Variants in KIAA1549 observed in about 807,000 individuals in gnomAD.
KIAA1549 encodes UPF0606 protein KIAA1549.
KIAA1549 carries 70 observed loss-of-function variants against 156.4 expected under a neutral mutation model. The observed-to-expected ratio is 0.45, with a 90% CI of 0.37 to 0.55. The LOEUF (loss-of-function observed/expected upper bound fraction) is 0.55, where lower values mean the gene tolerates loss of function less well. KIAA1549 is among the 20% of genes least tolerant of loss of function. The pLI, the probability that KIAA1549 is intolerant of heterozygous loss-of-function variation, is 0.00. For missense variants in KIAA1549, 2,428 were observed against 2,540.9 expected (o/e 0.96, Z 0.96); for synonymous variants, 1,103 against 1,066.4 (o/e 1.03, Z -0.67).
intron 1 of KIAA1549, among the ~76,000 whole-genome samples, chr7:138,945,495 C>T (rs534222936): frequency 2.0e-5 from 3 of 152,354 alleles, no homozygotes; most frequent in African/African-American, 7.2e-5. Flanking sequence ...CAGAAGGTGA[C>T]CTTGACCCCA....
chr7:138,843,572 T>G (rs1809984254), intron 18 of KIAA1549, among the ~76,000 whole-genome samples: 1 of 152,228 alleles, frequency 6.6e-6, no homozygotes, highest in Non-Finnish European at 1.5e-5. Context: ...TAATTTCACC[T>G]AATAGAAATT....
intron 18 of KIAA1549, among the ~76,000 whole-genome samples, chr7:138,842,336 AGCAACGG>A (rs1809945519): frequency 6.6e-6 from 1 of 152,184 alleles, no homozygotes; most frequent in African/African-American, 2.4e-5. Flanking sequence ...TGTGACCCTG[AGCAACGG>A]GCTATGGCTA....
intron 16 of KIAA1549, among the ~76,000 whole-genome samples, chr7:138,860,206 A>G (rs1437305551): frequency 6.6e-6 from 1 of 152,228 alleles, no homozygotes; most frequent in Non-Finnish European, 1.5e-5. Context: ...TTAAAATTAA[A>G]AACAGTAATG....
chr7:138,891,265 G>C (rs971111515), intron 10 of KIAA1549, among the ~76,000 whole-genome samples: 2 of 152,218 alleles, frequency 1.3e-5, no homozygotes, highest in African/African-American at 4.8e-5. Flanking sequence ...AGCTCCAGCC[G>C]GTTGCCCAAA....
chr7:138,905,986 G>A (rs554800117), intron 6 of KIAA1549, among the ~76,000 whole-genome samples: 19 of 152,100 alleles, frequency 1.2e-4, no homozygotes, highest in African/African-American at 2.7e-4. Context: ...ACTTTCCTGC[G>A]GCCCTTAAGC....
At chr7:138,951,594 A>C (rs1813500884) in intron 1 of KIAA1549, among the ~76,000 whole-genome samples, 2 of 152,202 alleles carry the variant, frequency 1.3e-5, no homozygotes, top group Non-Finnish European at 2.9e-5. Context: ...CCCACTTGTC[A>C]GATGACGACA....
At chr7:138,877,814 G>A (rs1012953980) in intron 12 of KIAA1549, among the ~76,000 whole-genome samples, 2 of 152,152 alleles carry the variant, frequency 1.3e-5, no homozygotes, top group Non-Finnish European at 2.9e-5. Context: ...CTCGGTCCCA[G>A]AGCTGTGATG....
chr7:138,906,655 G>A (rs1812012818), intron 6 of KIAA1549, among the ~76,000 whole-genome samples: 1 of 152,140 alleles, frequency 6.6e-6, no homozygotes, highest in African/African-American at 2.4e-5. Flanking sequence ...GAGACTTGGG[G>A]GGAAGAGTGG....
chr7:138,895,630 T>C (rs943846317), intron 9 of KIAA1549, among the ~76,000 whole-genome samples: 3 of 152,020 alleles, frequency 2.0e-5, no homozygotes, highest in African/African-American at 7.2e-5. Flanking sequence ...TGGATAGTGG[T>C]GATGGTTACA....
At chr7:138,884,453 G>A (rs896870881) in intron 10 of KIAA1549, among the ~76,000 whole-genome samples, 1 of 152,064 alleles carries the variant, frequency 6.6e-6, no homozygotes, top group African/African-American at 2.4e-5. Flanking sequence ...TTCCCTTGTA[G>A]AGTTTAGGCA....
chr7:138,917,910 G>A lies in KIAA1549; in HGVS notation c.1716C>T (p.Val572=). The A allele has an allele frequency of 6.2e-7, 1 of 1,600,458 alleles. No individual in the cohort carries two copies. The highest frequency in any genetic ancestry group is 8.5e-7 in the Non-Finnish European group (1 of 1,173,370). The change falls in exon 2 of 20, where the codon GTC becomes GTT. Residue 572 remains valine (V), a synonymous_variant. Transcript: ENST00000422774. ...TSILLDSSFS[V]IANKNTPSLA... is the part of the protein sequence containing the mutation. The stretch of plus-strand genomic sequence containing the variant: ...GCGACGGTGTGTTTTTGTTTGCTAT[G>A]ACAGAGAAAGATGAGTCAAGGAGAA...
chr7:138,856,031 A>ATT lies in KIAA1549; in HGVS notation c.5248-3764_5248-3763dup, dbSNP rs1411790264. Among the ~76,000 whole-genome samples, 705 of 149,002 alleles carry ATT rather than the reference A, an allele frequency of 4.7e-3. 2 individuals carry two copies. Among genetic ancestry groups the ATT allele is most frequent in the African/African-American group, 0.017 (667 of 39,834 alleles). ...CCCCTCATTTCTTTTTTTATTATTT[A>ATT]TTTTATTTTTTTTTTTTTGAGACAG... On this transcript the variant is annotated intron_variant, in intron 16 of 19. Transcript: ENST00000422774.
chr7:138,923,260 T>C (rs13236892), intron 1 of KIAA1549, among the ~76,000 whole-genome samples: 1 of 152,032 alleles, frequency 6.6e-6, no homozygotes, highest in Non-Finnish European at 1.5e-5. Context: ...AACCTTCAAA[T>C]AGAAGGGTTA....
chr7:138,965,550 G>A (rs1226198775), intron 1 of KIAA1549, among the ~76,000 whole-genome samples: 3 of 152,168 alleles, frequency 2.0e-5, no homozygotes, highest in Admixed American at 6.5e-5. Flanking sequence ...CAGAGAACCA[G>A]ATAAATGAAG....
Position 138,903,840 on chromosome 7 carries a change from TGTGTGTGTGTGTGCGC to T in KIAA1549, c.3521-120_3521-105del, listed in dbSNP as rs1393945820. 2.5e-3 allele frequency: 1,278 copies of T among 505,762 alleles called. 20 individuals carry two copies. The highest frequency in any genetic ancestry group is 0.016 in the Middle Eastern group (39 of 2,460). The allele number at this position is 505,762 out of a possible 1,614,324, so 31.3% of individuals were successfully genotyped here. A position where few individuals can be genotyped will look rare whatever the true frequency, so the allele number is the denominator to read the frequency against. ...GTGTGTGTGTGTGTGTGTGTGTGTG[TGTGTGTGTGTGTGCGC>T]GCGCGCGCGCGCGCACATATGTATT... On this transcript the variant is annotated intron_variant, in intron 7 of 19. Transcript: ENST00000422774.
intron 1 of KIAA1549, among the ~76,000 whole-genome samples, chr7:138,951,014 G>C (rs1813481470): frequency 6.6e-6 from 1 of 151,974 alleles, no homozygotes; most frequent in African/African-American, 2.4e-5. Flanking sequence ...CCAAGGTCAG[G>C]CCCGCCCTAA....
rs1372337111 is a variant in KIAA1549 at position 138,909,022 on chromosome 7, T to C, written c.3245A>G (p.His1082Arg). ...CGTGAGGTTATACGTTCCCTGGTGG[T>C]GTTTTCTCACTTCAAAGAGAGCTGT... ...LMTALFEVRK[H>R]HQGTYNLTVQ... is the part of the protein sequence containing the mutation. The change falls in exon 5 of 20, where the codon CAC becomes CGC. Residue 1082 changes from histidine to arginine, a missense_variant. Transcript: ENST00000422774. 1 of 1,614,064 alleles carries C rather than the reference T, an allele frequency of 6.2e-7. No homozygotes were observed. The highest frequency in any genetic ancestry group is 8.5e-7 in the Non-Finnish European group (1 of 1,179,898).
rs1306304707 is a variant in KIAA1549 at position 138,896,669 on chromosome 7, C to T, written c.3848-2143G>A. Reference sequence around the variant, plus strand: ...GAATGTGGTGGCACAATCAAGCTCACTTGCAGCCGCGACCTCCTGGGCTCA... The same window carrying T: ...GAATGTGGTGGCACAATCAAGCTCATTTGCAGCCGCGACCTCCTGGGCTCA... On this transcript the variant is annotated intron_variant, in intron 9 of 19. Coordinates refer to ENST00000422774, the MANE Select transcript of KIAA1549 (RefSeq NM_001164665.2). Among the ~76,000 whole-genome samples the T allele has an allele frequency of 2.6e-5, 4 of 151,828 alleles. No individual in the cohort carries two copies. The East Asian group carries it at 5.8e-4, about 22-fold the overall frequency.
Position 138,837,957 on chromosome 7 carries a change from C to T in KIAA1549, c.5802G>A (p.Glu1934=). 6.2e-7 allele frequency: 1 copy of T among 1,613,858 alleles called. No individual in the cohort carries two copies. Among genetic ancestry groups the T allele is most frequent in the Non-Finnish European group, 8.5e-7 (1 of 1,179,886 alleles). The change falls in exon 20 of 20, where the codon GAG becomes GAA. Residue 1934 remains glutamate, a synonymous_variant. Transcript: ENST00000422774. The stretch of plus-strand genomic sequence containing the variant: ...TCTGTTTCTGGGAGAGCCGGAGGAG[C>T]TCCTCGCGGATTGCTTTGATGAGAG... ...SASLIKAIRE[E]LLRLSQKQST... is the part of the protein sequence containing the mutation.
Sources: allele counts gnomAD v4.1 joint callset (sites outside exome capture counted in the v4.1 genomes callset), GRCh38; gene constraint gnomAD v4.1.1; transcripts MANE v1.5; gene names NCBI Gene and HGNC (gene_info 2026-07-23, HGNC 2026-07-21).